STK39: variants seen among roughly 807,000 people sequenced by gnomAD.
STK39 encodes the protein serine/threonine kinase 39.
In STK39, 20 loss-of-function variants were observed where a neutral mutation model predicts 77.8. That is an observed-to-expected ratio of 0.26 (90% CI 0.18 to 0.37). The LOEUF (loss-of-function observed/expected upper bound fraction) is 0.37. Ranked by LOEUF, STK39 falls within the 10% of genes least tolerant of loss-of-function variation. The probability of loss-of-function intolerance (pLI) is 1.00; values close to 1 mark genes in which losing one functional copy is unlikely to be tolerated. For synonymous variants in STK39, 246 were observed against 234.1 expected (o/e 1.05, Z -0.47); for missense variants, 479 against 656.5 (o/e 0.73, Z 2.95).
At chr2:168,035,138 T>C (rs1684919546) in intron 14 of STK39, among the ~76,000 whole-genome samples, 1 of 152,308 alleles carries the variant, frequency 6.6e-6, no homozygotes, top group South Asian at 2.1e-4. Flanking sequence ...GTTCATGCTT[T>C]TGACTGGTTA....
At chr2:168,113,737 TC>T (rs1340839546) in intron 10 of STK39, among the ~76,000 whole-genome samples, 1 of 152,188 alleles carries the variant, frequency 6.6e-6, no homozygotes, top group Non-Finnish European at 1.5e-5. Flanking sequence ...CTGAATCCTG[TC>T]CCCAGACCTG....
intron 7 of STK39, among the ~76,000 whole-genome samples, chr2:168,139,195 A>T (rs896864619): frequency 2.0e-5 from 3 of 152,184 alleles, no homozygotes; most frequent in African/African-American, 7.2e-5. Context: ...CTTTGAATTC[A>T]GGTGGGAAAC....
rs964852640 is a variant in STK39 at position 168,037,853 on chromosome 2, G to C, written c.1377-20758C>G. The stretch of plus-strand genomic sequence containing the variant: ...CTTTCTGCATTTTCAAATTTCCTCT[G>C]ATGAACATATATTACCTTCATAATG... On this transcript the variant is annotated intron_variant, in intron 14 of 17. Coordinates refer to ENST00000355999, the MANE Select transcript of STK39 (RefSeq NM_013233.3). 4.6e-5 allele frequency among the ~76,000 whole-genome samples: 7 copies of C among 152,238 alleles called. No individual in the cohort carries two copies. The East Asian group carries it at 1.3e-3, about 29-fold the overall frequency.
At chr2:168,006,697 C>G (rs1454831660) in intron 16 of STK39, among the ~76,000 whole-genome samples, 2 of 152,178 alleles carry the variant, frequency 1.3e-5, no homozygotes, top group Admixed American at 6.5e-5. Context: ...CACCCACCCG[C>G]GAGGCCTTGC....
At chr2:168,074,507 A>G (rs1686024059) in intron 12 of STK39, among the ~76,000 whole-genome samples, 1 of 152,226 alleles carries the variant, frequency 6.6e-6, no homozygotes, top group African/African-American at 2.4e-5. Context: ...CTAAGGTATT[A>G]TTTGGAAGAT....
At chr2:167,995,546 A>G (rs909939278) in intron 16 of STK39, among the ~76,000 whole-genome samples, 3 of 152,194 alleles carry the variant, frequency 2.0e-5, no homozygotes, top group African/African-American at 4.8e-5. Context: ...AGGAATTTGG[A>G]GTTTATACCT....
At chr2:168,065,211 T>C (rs1685762421) in intron 13 of STK39, 108 bp downstream of exon 13, 1 of 1,194,566 alleles carries the variant, frequency 8.4e-7, no homozygotes, top group African/African-American at 1.5e-5. Flanking sequence ...TTATAAGCCC[T>C]TGATTTGGAG....
At chr2:168,129,379 A>G (rs1033051598) in intron 10 of STK39, among the ~76,000 whole-genome samples, 162 bp downstream of exon 10, 8 of 152,236 alleles carry the variant, frequency 5.3e-5, no homozygotes, top group Non-Finnish European at 8.8e-5. Flanking sequence ...CAACCAGCTG[A>G]GATAACGAAA....
intron 10 of STK39, among the ~76,000 whole-genome samples, chr2:168,076,083 A>C (rs1215203650): frequency 6.6e-6 from 1 of 152,194 alleles, no homozygotes; most frequent in Non-Finnish European, 1.5e-5. Context: ...ACTAAGATGT[A>C]ATTAAACAAA....
intron 10 of STK39, among the ~76,000 whole-genome samples, chr2:168,093,259 T>TA (rs1230613352): frequency 3.3e-5 from 5 of 152,170 alleles, no homozygotes; most frequent in African/African-American, 1.2e-4. Flanking sequence ...TCCATTCTCA[T>TA]ACTGCTATGA....
chr2:168,133,775 T>C (rs956529227), intron 8 of STK39, among the ~76,000 whole-genome samples: 9 of 151,868 alleles, frequency 5.9e-5, no homozygotes, highest in African/African-American at 2.2e-4. Context: ...GGAGAATCAC[T>C]TGAACCCAGG....
chr2:168,200,889 A>G (rs1017231420), intron 1 of STK39, among the ~76,000 whole-genome samples: 10 of 152,206 alleles, frequency 6.6e-5, no homozygotes, highest in Admixed American at 2.6e-4. Context: ...TCAGGGGCCC[A>G]TCATCATCAG....
chr2:168,040,934 G>A (rs570770343), intron 14 of STK39, among the ~76,000 whole-genome samples: 1 of 152,210 alleles, frequency 6.6e-6, no homozygotes, highest in East Asian at 1.9e-4. Flanking sequence ...TTTAGTACAT[G>A]GAACTGTTAA....
chr2:168,073,160 TG>T (rs991633667), intron 12 of STK39, among the ~76,000 whole-genome samples: 1 of 152,242 alleles, frequency 6.6e-6, no homozygotes, highest in Non-Finnish European at 1.5e-5. Context: ...TTTCCCTTCC[TG>T]TCTGTGCAGA....
At chr2:168,227,715 T>G (rs1453622668) in intron 1 of STK39, among the ~76,000 whole-genome samples, 5 of 152,332 alleles carry the variant, frequency 3.3e-5, no homozygotes, top group African/African-American at 9.6e-5. Context: ...CACAGTGCAG[T>G]GGCACAATCT....
At chr2:168,151,623 C>T (rs1013351073) in intron 5 of STK39, among the ~76,000 whole-genome samples, 1 of 151,800 alleles carries the variant, frequency 6.6e-6, no homozygotes, top group Non-Finnish European at 1.5e-5. Context: ...CCTATAGTCC[C>T]AGCTACTCGT....
At chr2:168,170,721 G>T (rs1350380430) in intron 2 of STK39, among the ~76,000 whole-genome samples, 1 of 152,280 alleles carries the variant, frequency 6.6e-6, no homozygotes, top group African/African-American at 2.4e-5. Context: ...CAAGGAAGCC[G>T]ACAGTGTCAA....
intron 5 of STK39, among the ~76,000 whole-genome samples, chr2:168,157,444 A>G (rs1044680123): frequency 2.0e-5 from 3 of 152,220 alleles, no homozygotes; most frequent in Non-Finnish European, 2.9e-5. Flanking sequence ...TGGGCCTACT[A>G]TAACAAAATA....
In STK39 at chr2:168,246,856, T is replaced by C. The variant is rs977864903; in HGVS notation, c.208+372A>G. 5.8e-4 allele frequency among the ~76,000 whole-genome samples: 88 copies of C among 151,774 alleles called. 1 individual carries two copies. Among genetic ancestry groups the C allele is most frequent in the Admixed American group, 1.6e-3 (24 of 15,282 alleles). ...ACCACACCCCACCCGCGGCTGCCTG[T>C]CCGCGTGGCCACCGGCCACGGGCTG... On this transcript the variant is annotated intron_variant, in intron 1 of 17. Coordinates refer to ENST00000355999, the MANE Select transcript of STK39 (RefSeq NM_013233.3).
Sources: gnomAD v4.1 joint callset for allele counts (sites outside exome capture counted in the v4.1 genomes callset) on GRCh38, gnomAD v4.1.1 for gene constraint, MANE v1.5 for transcripts, NCBI Gene and HGNC (gene_info 2026-07-23, HGNC 2026-07-21) for gene names.